CISD1: variants seen among roughly 807,000 people sequenced by gnomAD.
CISD1 encodes the protein CDGSH iron sulfur domain 1, also known as CDGSH iron-sulfur domain-containing protein 1.
Under a neutral mutation model 12.0 loss-of-function variants are expected in CISD1, and 8 were observed. The observed-to-expected ratio is 0.67, with a 90% CI of 0.39 to 1.20. CISD1 has a LOEUF of 1.20. CISD1 is among the 50% of genes most tolerant of loss of function. The pLI, the probability that CISD1 is intolerant of heterozygous loss-of-function variation, is 0.01. For missense variants in CISD1, 107 were observed against 132.7 expected, an observed-to-expected ratio of 0.81 and a Z score of 0.95; for synonymous variants, 38 against 42.2, an observed-to-expected ratio of 0.90 and a Z score of 0.39.
At chr10:58,272,899 A>G (rs1338008496) in intron 1 of CISD1, among the ~76,000 whole-genome samples, 4 of 152,310 alleles carry the variant, frequency 2.6e-5, no homozygotes, top group African/African-American at 9.6e-5. Context: ...AGCCTGGGCA[A>G]CAGTGCGAGA....
At chr10:58,281,959 CT>C (rs200269339) in intron 2 of CISD1, among the ~76,000 whole-genome samples, 130 of 143,588 alleles carry the variant, frequency 9.1e-4, no homozygotes, top group Middle Eastern at 7.2e-3. Context: ...ATTGGCTTGG[CT>C]TTTTTTTTTT....
rs1243953004 is a variant in CISD1 at position 58,288,204 on chromosome 10, G to C, written c.*554G>C. On this transcript the variant is annotated 3_prime_UTR_variant, in exon 3 of 3. Coordinates refer to ENST00000333926, the MANE Select transcript of CISD1 (RefSeq NM_018464.5). ...TTTTCAATCAAAATGATTGATAAAT[G>C]TTATTCTGTTTAATTTCATAAGTCA... 6.6e-6 allele frequency: 1 copy of C among 152,084 alleles called. No individual in the cohort carries two copies. Among genetic ancestry groups the C allele is most frequent in the Non-Finnish European group, 1.5e-5 (1 of 68,008 alleles). 9.4% of individuals were successfully genotyped at this position (152,084 alleles called of 1,614,324 possible). A position where few individuals can be genotyped will look rare whatever the true frequency, so the allele number is the denominator to read the frequency against.
At chr10:58,278,043 T>C (rs993699033) in intron 2 of CISD1, among the ~76,000 whole-genome samples, 1 of 152,246 alleles carries the variant, frequency 6.6e-6, no homozygotes, top group Non-Finnish European at 1.5e-5. Context: ...TATATGAGAA[T>C]TGTATTTTAT....
At chr10:58,274,934 T>G (rs1459071837) in intron 1 of CISD1, among the ~76,000 whole-genome samples, 1 of 152,220 alleles carries the variant, frequency 6.6e-6, no homozygotes, top group Non-Finnish European at 1.5e-5. Context: ...GAGTTTCATG[T>G]AGAAATTCCT....
chr10:58,283,749 A>C (rs956380533), intron 2 of CISD1, among the ~76,000 whole-genome samples: 6 of 152,216 alleles, frequency 3.9e-5, no homozygotes, highest in Non-Finnish European at 7.3e-5. Flanking sequence ...GCTTTATTCC[A>C]ACTTCTTCTA....
rs1182922010 is a variant in CISD1, at chr10:58,289,145, AT to A, written c.*1501del. ...TGATTCTATTAGATTCTTAGGGTAAATTTTTTCTTTGCCCACCTCCTTCTTT... is the reference window on the plus strand; with the variant it reads ...TGATTCTATTAGATTCTTAGGGTAAATTTTTCTTTGCCCACCTCCTTCTTT... On this transcript the variant is annotated 3_prime_UTR_variant, in exon 3 of 3. Coordinates refer to ENST00000333926, the MANE Select transcript of CISD1 (RefSeq NM_018464.5). 3.9e-5 allele frequency: 6 copies of A among 152,118 alleles called. No homozygotes were observed. Among genetic ancestry groups the A allele is most frequent in the Non-Finnish European group, 8.8e-5 (6 of 67,878 alleles). 9.4% of individuals were successfully genotyped at this position (152,118 alleles called of 1,614,324 possible). A position where few individuals can be genotyped will look rare whatever the true frequency, so the allele number is the denominator to read the frequency against.
At chr10:58,276,007 TTTTA>T (rs1415110660) in intron 1 of CISD1, 1 of 152,110 alleles carries the variant, frequency 6.6e-6, no homozygotes, top group Non-Finnish European at 1.5e-5. Flanking sequence ...CTGTCTAGGG[TTTTA>T]TTTGATAGTC....
chr10:58,289,523 G>A lies in CISD1; in HGVS notation c.*1873G>A, dbSNP rs1839466441. The stretch of plus-strand genomic sequence containing the variant: ...CAAGGTCATGTTAAAATGTTTACAT[G>A]CTTTTGAACTAGCATTCATTTATGA... On this transcript the variant is annotated 3_prime_UTR_variant, in exon 3 of 3. Transcript: ENST00000333926. 1 of 152,038 alleles carries A rather than the reference G, an allele frequency of 6.6e-6. No homozygotes were observed. The highest frequency in any genetic ancestry group is 1.5e-5 in the Non-Finnish European group (1 of 67,916). 9.4% of individuals were successfully genotyped at this position (152,038 alleles called of 1,614,324 possible).
rs1839327641 is a variant in CISD1, at chr10:58,277,406, TA to T, written c.237+85del. Reference sequence around the variant, plus strand: ...TATTCTGTCAGACTTGTTCACCAGATATTGTTATGATATCCCTTTTTTGTTG... The same window carrying T: ...TATTCTGTCAGACTTGTTCACCAGATTTGTTATGATATCCCTTTTTTGTTG... On this transcript the variant is annotated intron_variant, in intron 2 of 2. Coordinates refer to ENST00000333926, the MANE Select transcript of CISD1 (RefSeq NM_018464.5). 1.0e-5 allele frequency: 10 copies of T among 973,616 alleles called. No individual in the cohort carries two copies. In the Middle Eastern group the frequency reaches 2.2e-3, roughly 211 times the overall value. 60.3% of individuals were successfully genotyped at this position (973,616 alleles called of 1,614,324 possible). A position where few individuals can be genotyped will look rare whatever the true frequency, so the allele number is the denominator to read the frequency against.
intron 1 of CISD1, among the ~76,000 whole-genome samples, chr10:58,269,787 G>A (rs1165840958): frequency 1.3e-5 from 2 of 152,044 alleles, no homozygotes; most frequent in Non-Finnish European, 2.9e-5. Flanking sequence ...GGGATGAAAC[G>A]CAATCCGAGG....
chr10:58,276,645 T>G (rs1042363755), intron 1 of CISD1, among the ~76,000 whole-genome samples: 2 of 151,662 alleles, frequency 1.3e-5, no homozygotes, highest in Non-Finnish European at 2.9e-5. Flanking sequence ...ATTAAATAAT[T>G]TAAAAATCAC....
At chr10:58,282,426 G>A (rs2790188) in intron 2 of CISD1, among the ~76,000 whole-genome samples, 51,591 of 152,092 alleles carry the variant, frequency 0.34, 10,992 homozygotes, top group African/African-American at 0.61. Flanking sequence ...AAATTATTAC[G>A]TCATCTCTTG....
intron 1 of CISD1, among the ~76,000 whole-genome samples, chr10:58,275,121 C>T (rs1191399637): frequency 6.6e-6 from 1 of 152,054 alleles, no homozygotes; most frequent in Non-Finnish European, 1.5e-5. Context: ...AAGGAAGTTG[C>T]GTTATTTTAG....
At chr10:58,279,124 A>C (rs1176740663) in intron 2 of CISD1, among the ~76,000 whole-genome samples, 5 of 152,256 alleles carry the variant, frequency 3.3e-5, no homozygotes, top group African/African-American at 1.2e-4. Context: ...ATGTGTGACT[A>C]AGATGGTGAC....
chr10:58,277,656 TAAAG>T (rs1268321169), intron 2 of CISD1, among the ~76,000 whole-genome samples: 1 of 151,832 alleles, frequency 6.6e-6, no homozygotes, highest in Non-Finnish European at 1.5e-5. Flanking sequence ...CATATGCTCT[TAAAG>T]AAATATATTT....
At chr10:58,275,833 G>C (rs553012626) in intron 1 of CISD1, among the ~76,000 whole-genome samples, 1 of 152,254 alleles carries the variant, frequency 6.6e-6, no homozygotes, top group Admixed American at 6.5e-5. Flanking sequence ...GACTGAGAAT[G>C]ATCCTTTATA....
rs1201081270 is a variant in CISD1 at position 58,289,219 on chromosome 10, A to T, written c.*1569A>T. On this transcript the variant is annotated 3_prime_UTR_variant, in exon 3 of 3. Coordinates refer to ENST00000333926, the MANE Select transcript of CISD1 (RefSeq NM_018464.5). ...CAAAACAGAGCAATCATGCTTTTAA[A>T]GATGAACTGTTTTAAAGAAAAATAA... 1 of 152,248 alleles carries T rather than the reference A, an allele frequency of 6.6e-6. No individual in the cohort carries two copies. Among genetic ancestry groups the T allele is most frequent in the African/African-American group, 2.4e-5 (1 of 41,458 alleles). The allele number at this position is 152,248 out of a possible 1,614,324, so 9.4% of individuals were successfully genotyped here.
intron 1 of CISD1, among the ~76,000 whole-genome samples, chr10:58,274,099 C>CTCCA (rs1163101411): frequency 4.6e-5 from 7 of 151,948 alleles, no homozygotes; most frequent in Admixed American, 4.6e-4. Flanking sequence ...TGCCATTGCA[C>CTCCA]TCCAGCCTGG....
In CISD1 at chr10:58,272,792, A is replaced by C. The variant is rs192202270; in HGVS notation, c.31+3488A>C. ...AAATTAGCCAGGCATGGTGGCACGC[A>C]TCTGTAGTCCCAGCTACTTGGGAGG... On this transcript the variant is annotated intron_variant, in intron 1 of 2. Coordinates refer to ENST00000333926, the MANE Select transcript of CISD1 (RefSeq NM_018464.5). Among the ~76,000 whole-genome samples, 91 of 152,246 alleles carry C rather than the reference A, an allele frequency of 6.0e-4. 1 individual carries two copies. Among genetic ancestry groups the C allele is most frequent in the African/African-American group, 2.1e-3 (88 of 41,548 alleles).
Sources: gnomAD v4.1 joint callset for allele counts (sites outside exome capture counted in the v4.1 genomes callset) on GRCh38, gnomAD v4.1.1 for gene constraint, MANE v1.5 for transcripts, NCBI Gene and HGNC (gene_info 2026-07-23, HGNC 2026-07-21) for gene names.